The following EIF2B3 variants were observed in gnomAD, a reference collection of about 807,000 sequenced individuals.
EIF2B3 encodes eukaryotic translation initiation factor 2B subunit gamma, also known as translation initiation factor eIF2B subunit gamma.
In EIF2B3, 20 loss-of-function variants were observed where a neutral mutation model predicts 54.1. The ratio of observed to expected loss-of-function variants is 0.37; its 90% CI spans 0.26 to 0.54. The LOEUF is 0.54. Among genes scored for constraint, EIF2B3 ranks in the 20% least tolerant of loss-of-function variants. EIF2B3 has a pLI of 0.86. For missense variants in EIF2B3, 448 were observed against 547.8 expected, an observed-to-expected ratio of 0.82 and a Z score of 1.82; for synonymous variants, 153 against 188.1, an observed-to-expected ratio of 0.81 and a Z score of 1.52.
intron 4 of EIF2B3, among the ~76,000 whole-genome samples, chr1:44,937,756 C>T (rs563646932): frequency 6.6e-6 from 1 of 151,868 alleles, no homozygotes; most frequent in Admixed American, 6.5e-5. Context: ...TGGTGGCGGG[C>T]GCCTGTGGTC....
At chr1:44,932,848 A>T (rs1643909576) in intron 4 of EIF2B3, among the ~76,000 whole-genome samples, 1 of 152,200 alleles carries the variant, frequency 6.6e-6, no homozygotes, top group Non-Finnish European at 1.5e-5. Flanking sequence ...GGGCAGAATA[A>T]AGACACTTTC....
Position 44,885,870 on chromosome 1 carries a change from G to A in EIF2B3, c.657-4131C>T, listed in dbSNP as rs1655563180. Among the ~76,000 whole-genome samples the A allele has an allele frequency of 1.3e-5, 2 of 150,200 alleles. 1 individual carries two copies. Among genetic ancestry groups the A allele is most frequent in the South Asian group, 4.2e-4 (2 of 4,774 alleles). On this transcript the variant is annotated intron_variant, in intron 6 of 11. Transcript: ENST00000360403. ...CTGCCTCAGCCTTTTGAGTAGCTAGGATTACAGGTGCCTGACACCACGCTT... is the reference window on the plus strand; with the variant it reads ...CTGCCTCAGCCTTTTGAGTAGCTAGAATTACAGGTGCCTGACACCACGCTT...
intron 10 of EIF2B3, among the ~76,000 whole-genome samples, chr1:44,858,426 C>T (rs1654504475): frequency 6.6e-6 from 1 of 152,088 alleles, no homozygotes; most frequent in African/African-American, 2.4e-5. Flanking sequence ...ATGGGCTCCC[C>T]ACACTCTCAC....
chr1:44,930,319 C>T (rs970440865), intron 4 of EIF2B3, among the ~76,000 whole-genome samples: 7 of 152,180 alleles, frequency 4.6e-5, no homozygotes, highest in Admixed American at 4.6e-4. Flanking sequence ...CAAATTTACT[C>T]ATTAGCAAGT....
In EIF2B3 at chr1:44,880,025, C is replaced by T. The variant is rs1223606942; in HGVS notation, c.785-17G>A. ...TGTAGATATCTTCAGAACAAACACC[C>T]AACCAAGGAAATAAATGAGAGAGAG... On this transcript the variant is annotated splice_polypyrimidine_tract_variant and intron_variant, in intron 7 of 11. Transcript: ENST00000360403. The T allele has an allele frequency of 8.7e-6, 14 of 1,613,046 alleles. No individual in the cohort carries two copies. Among genetic ancestry groups the T allele is most frequent in the Non-Finnish European group, 1.2e-5 (14 of 1,179,266 alleles).
chr1:44,870,939 C>T (rs1008334220), intron 10 of EIF2B3, among the ~76,000 whole-genome samples: 2 of 152,178 alleles, frequency 1.3e-5, no homozygotes, highest in Admixed American at 1.3e-4. Context: ...TGAGCCACCA[C>T]ACCCAGCCTT....
intron 3 of EIF2B3, among the ~76,000 whole-genome samples, chr1:44,945,741 G>A (rs1007278801): frequency 9.2e-5 from 14 of 152,210 alleles, no homozygotes; most frequent in Middle Eastern, 3.4e-3. Context: ...CATTACTAAA[G>A]ACATTCACAG....
chr1:44,878,343 A>G (rs965125271), intron 8 of EIF2B3, among the ~76,000 whole-genome samples: 1 of 151,516 alleles, frequency 6.6e-6, no homozygotes, highest in Non-Finnish European at 1.5e-5. Context: ...GCTTACTGCA[A>G]CCTCCACCTA....
Position 44,875,649 on chromosome 1 carries a change from T to C in EIF2B3, c.1022A>G (p.His341Arg). The part of the protein sequence containing the change: ...SALCPEEPPV[H>R]SSAQIVSKHL... ...TTTGCTGACAATCTGGGCTGACGAA[T>C]GGACTGGTGGTTCTTCTGGACAGAG... The change falls in exon 9 of 12, where the codon CAT (histidine) becomes CGT (arginine). Residue 341 changes from histidine to arginine, a missense_variant. Around this residue, in one of 3 missense-constraint regions of EIF2B3, gnomAD observed 350 missense variants for 414.2 expected, o/e 0.85. Coordinates refer to ENST00000360403, the MANE Select transcript of EIF2B3 (RefSeq NM_020365.5). The C allele has an allele frequency of 6.2e-7, 1 of 1,614,160 alleles. No individual in the cohort carries two copies. Among genetic ancestry groups the C allele is most frequent in the South Asian group, 1.1e-5 (1 of 91,076 alleles).
intron 11 of EIF2B3, among the ~76,000 whole-genome samples, chr1:44,852,790 A>T (rs896683828): frequency 1.3e-5 from 2 of 152,056 alleles, no homozygotes. Flanking sequence ...AAAAAAAAAA[A>T]AAAAAACAAA....
intron 2 of EIF2B3, among the ~76,000 whole-genome samples, chr1:44,979,660 A>C (rs1422172314): frequency 1.3e-5 from 2 of 151,440 alleles, no homozygotes; most frequent in Non-Finnish European, 2.9e-5. Context: ...CTCTGTCTCT[A>C]AAAAACAAAA....
chr1:44,875,594 C>G, intron 9 of EIF2B3, 24 bp downstream of exon 9: 4 of 1,610,694 alleles, frequency 2.5e-6, no homozygotes, highest in Non-Finnish European at 3.4e-6. Context: ...ATCTCATGCC[C>G]GTCCTGGCCA....
intron 8 of EIF2B3, among the ~76,000 whole-genome samples, chr1:44,877,177 C>G (rs981701377): frequency 1.9e-5 from 2 of 103,956 alleles, no homozygotes; most frequent in Non-Finnish European, 3.7e-5. Context: ...GCGAGAAACA[C>G]CCAAGAATGA....
intron 5 of EIF2B3, among the ~76,000 whole-genome samples, chr1:44,907,720 G>A (rs1643440361): frequency 6.6e-6 from 1 of 151,702 alleles, no homozygotes; most frequent in Non-Finnish European, 1.5e-5. Flanking sequence ...GACCAACATG[G>A]AGAAACCCTG....
rs1185654970 is a variant in EIF2B3 at position 44,967,420 on chromosome 1, G to A, written c.294+10895C>T. The stretch of plus-strand genomic sequence containing the variant: ...CGAGATCCCACCACTGCACTCCAGC[G>A]TGGGCAACAGAGCGAGACTCTGTCT... On this transcript the variant is annotated intron_variant, in intron 3 of 11. Coordinates refer to ENST00000360403, the MANE Select transcript of EIF2B3 (RefSeq NM_020365.5). Among the ~76,000 whole-genome samples, 7 of 145,084 alleles carry A rather than the reference G, an allele frequency of 4.8e-5. No homozygotes were observed. The South Asian group carries it at 8.8e-4, about 18-fold the overall frequency.
At chr1:44,911,491 G>A (rs1643514523) in intron 5 of EIF2B3, among the ~76,000 whole-genome samples, 1 of 152,140 alleles carries the variant, frequency 6.6e-6, no homozygotes, top group Non-Finnish European at 1.5e-5. Flanking sequence ...CCTCACCTCT[G>A]ACTAGGTCCA....
intron 1 of EIF2B3, among the ~76,000 whole-genome samples, chr1:44,982,626 G>A (rs1644527055): frequency 6.6e-6 from 1 of 151,678 alleles, no homozygotes; most frequent in Non-Finnish European, 1.5e-5. Flanking sequence ...TAGAGACAGA[G>A]TCTTGCTCCA....
chr1:44,939,204 T>C (rs1246962901), intron 4 of EIF2B3, among the ~76,000 whole-genome samples: 1 of 151,838 alleles, frequency 6.6e-6, no homozygotes, highest in African/African-American at 2.4e-5. Context: ...CTTCAACAAC[T>C]TCCTCACTGT....
At chr1:44,894,453 C>T (rs1655900204) in intron 6 of EIF2B3, among the ~76,000 whole-genome samples, 1 of 152,138 alleles carries the variant, frequency 6.6e-6, no homozygotes. Context: ...TGTTATCTGT[C>T]ACTACATCTC....
Sources: allele counts gnomAD v4.1 joint callset (sites outside exome capture counted in the v4.1 genomes callset), GRCh38; gene constraint gnomAD v4.1.1; regional missense constraint gnomAD v4.1.1; transcripts MANE v1.5; gene names NCBI Gene and HGNC (gene_info 2026-07-23, HGNC 2026-07-21).